PCDHGA12: variants seen among roughly 807,000 people sequenced by gnomAD.
PCDHGA12 encodes the protein protocadherin gamma-A12.
Under a neutral mutation model 61.1 loss-of-function variants are expected in PCDHGA12, and 43 were observed. That is an observed-to-expected ratio of 0.70 (90% confidence interval 0.55 to 0.91). The LOEUF is 0.91. PCDHGA12 is among the 40% of genes least tolerant of loss of function. The probability of loss-of-function intolerance (pLI) is 0.00; values close to 1 mark genes in which losing one functional copy is unlikely to be tolerated. For missense variants in PCDHGA12, 1,236 were observed against 1,227.7 expected, an observed-to-expected ratio of 1.01 and a Z score of -0.10; for synonymous variants, 520 against 542.9, an observed-to-expected ratio of 0.96 and a Z score of 0.59.
rs1243112302 is a variant in PCDHGA12, at chr5:141,476,738, C to G, written c.2425-18069C>G. 6.2e-7 allele frequency: 1 copy of G among 1,614,076 alleles called. No homozygotes were observed. Among genetic ancestry groups the G allele is most frequent in the Non-Finnish European group, 8.5e-7 (1 of 1,180,028 alleles). On this transcript the variant is annotated intron_variant, in intron 1 of 3. Transcript: ENST00000252085. This position sits in a 1 kb window ranked among gnomAD's most constrained non-coding sequence, Gnocchi z 7.6. ...GCGCGCCCTGGACCGAGAACGGGAG[C>G]CTAGTCTCCAGTTAGTGCTGACGGC...
At chr5:141,494,215 G>T (rs984086536) in intron 1 of PCDHGA12, among the ~76,000 whole-genome samples, 2 of 152,200 alleles carry the variant, frequency 1.3e-5, no homozygotes, top group Non-Finnish European at 2.9e-5. Context: ...GCCCAATCTG[G>T]CATGACTCCT....
chr5:141,468,920 A>G (rs2099185605), intron 1 of PCDHGA12, among the ~76,000 whole-genome samples: 1 of 151,612 alleles, frequency 6.6e-6, no homozygotes, highest in South Asian at 2.1e-4. Context: ...AGAAGAGAAT[A>G]GCACTAAAAT....
chr5:141,452,884 A>C (rs746547069), intron 1 of PCDHGA12, among the ~76,000 whole-genome samples: 1 of 152,204 alleles, frequency 6.6e-6, no homozygotes, highest in Non-Finnish European at 1.5e-5. Flanking sequence ...GTAATAATTT[A>C]TTCCACTTTT....
At chr5:141,500,887 T>C (rs557735403) in intron 2 of PCDHGA12, among the ~76,000 whole-genome samples, 1 of 95,622 alleles carries the variant, frequency 1.0e-5, no homozygotes, top group South Asian at 2.8e-4. Context: ...ATTTTTTTTT[T>C]TTGAGACAGT....
chr5:141,499,486 C>T (rs569172977), intron 2 of PCDHGA12, among the ~76,000 whole-genome samples: 3 of 152,284 alleles, frequency 2.0e-5, no homozygotes, highest in East Asian at 1.9e-4. Context: ...CCACCAACTA[C>T]AGTTTAATAT....
At chr5:141,499,029 A>AAGGAAGGAAGGAAGGAAGGAAGG (rs1562187768) in intron 2 of PCDHGA12, among the ~76,000 whole-genome samples, 1 of 139,968 alleles carries the variant, frequency 7.1e-6, no homozygotes, top group African/African-American at 2.8e-5. Flanking sequence ...AGGAAGGAAG[A>AAGGAAGGAAGGAAGGAAGGAAGG]AAAGAAAGAA....
At chr5:141,453,087 T>G (rs2098755775) in intron 1 of PCDHGA12, among the ~76,000 whole-genome samples, 1 of 152,150 alleles carries the variant, frequency 6.6e-6, no homozygotes, top group Non-Finnish European at 1.5e-5. Context: ...TTGATTAGTA[T>G]ATTTTCTGTT....
intron 1 of PCDHGA12, among the ~76,000 whole-genome samples, chr5:141,438,609 T>TATAC (rs2098013849): frequency 2.4e-5 from 1 of 41,118 alleles, no homozygotes; most frequent in Non-Finnish European, 3.9e-5. Context: ...TATATATATA[T>TATAC]ATATATATAT....
At chr5:141,454,871 G>A (rs1337911223) in intron 1 of PCDHGA12, among the ~76,000 whole-genome samples, 2 of 129,030 alleles carry the variant, frequency 1.6e-5, no homozygotes, top group Non-Finnish European at 3.1e-5. Context: ...GCAGTGGCAC[G>A]ATCTTGGCTC....
Position 141,511,345 on chromosome 5 carries a change from TC to T in PCDHGA12, c.*179del, listed in dbSNP as rs535135679. On this transcript the variant is annotated 3_prime_UTR_variant, in exon 4 of 4. Coordinates refer to ENST00000252085, the MANE Select transcript of PCDHGA12 (RefSeq NM_003735.3). ...AAGTGCCCAGTCAGCACCTACCCCTTCCCCCCCAGGGGGTTGAATATGCAAA... is the reference window on the plus strand; with the variant it reads ...AAGTGCCCAGTCAGCACCTACCCCTTCCCCCCAGGGGGTTGAATATGCAAA... The T allele has an allele frequency of 2.2e-5, 31 of 1,410,342 alleles. No individual in the cohort carries two copies. Among genetic ancestry groups the T allele is most frequent in the South Asian group, 2.9e-5 (2 of 68,200 alleles). 87.4% of individuals were successfully genotyped at this position (1,410,342 alleles called of 1,614,324 possible). A position where few individuals can be genotyped will look rare whatever the true frequency, so the allele number is the denominator to read the frequency against.
chr5:141,489,159 T>G lies in PCDHGA12; in HGVS notation c.2425-5648T>G. On this transcript the variant is annotated intron_variant, in intron 1 of 3. Transcript: ENST00000252085. This position sits in a 1 kb window ranked among gnomAD's most constrained non-coding sequence, Gnocchi z 4.5. ...AGGCTGGAAGGAGACATAAGAGACT[T>G]CAGCTGCTGCATTCCAAGCCCTGGG... is the stretch of plus-strand genomic sequence containing the variant. 2 of 1,023,152 alleles carry G rather than the reference T, an allele frequency of 2.0e-6. No individual in the cohort carries two copies. Among genetic ancestry groups the G allele is most frequent in the Non-Finnish European group, 2.9e-6 (2 of 697,120 alleles). The allele number at this position is 1,023,152 out of a possible 1,614,324, so 63.4% of individuals were successfully genotyped here. A position where few individuals can be genotyped will look rare whatever the true frequency, so the allele number is the denominator to read the frequency against.
At chr5:141,484,287 C>T (rs1432341538) in intron 1 of PCDHGA12, among the ~76,000 whole-genome samples, 1 of 152,268 alleles carries the variant, frequency 6.6e-6, no homozygotes, top group Non-Finnish European at 1.5e-5. Context: ...GAAACATCTC[C>T]CTCTCCTGGC....
Position 141,432,028 on chromosome 5 carries a change from C to T in PCDHGA12, c.1269C>T (p.Thr423=), listed in dbSNP as rs776543767. ...TTCCTAGCTACAACATCACAGTGAC[C>T]GCCACTGACCGGGGAACCCCGCCCC... ...EQVPSYNITV[T]ATDRGTPPLS... The change falls in exon 1 of 4, where the codon ACC becomes ACT. Residue 423 remains threonine (T), a synonymous_variant. Coordinates refer to ENST00000252085, the MANE Select transcript of PCDHGA12 (RefSeq NM_003735.3). The surrounding 1 kb of genome is among the most constrained non-coding windows in gnomAD (Gnocchi z 6.0). The T allele has an allele frequency of 1.1e-5, 18 of 1,614,050 alleles. No individual in the cohort carries two copies. The highest frequency in any genetic ancestry group is 9.9e-5 in the South Asian group (9 of 91,090).
At position 141,489,585 on chromosome 5, in the gene PCDHGA12, G is replaced by A; in HGVS notation, c.2425-5222G>A. 3 of 1,614,090 alleles carry A rather than the reference G, an allele frequency of 1.9e-6. No individual in the cohort carries two copies. Among genetic ancestry groups the A allele is most frequent in the Non-Finnish European group, 2.5e-6 (3 of 1,180,004 alleles). The stretch of plus-strand genomic sequence containing the variant: ...AGGTGGTGACTGAACACCCCCTGGA[G>A]CTAATCCGTGTAGAGGTAGAGATCC... On this transcript the variant is annotated intron_variant, in intron 1 of 3. Coordinates refer to ENST00000252085, the MANE Select transcript of PCDHGA12 (RefSeq NM_003735.3). The surrounding 1 kb of genome is among the most constrained non-coding windows in gnomAD (Gnocchi z 4.5).
chr5:141,503,608 A>AAAAAAAG (rs1483073868), intron 2 of PCDHGA12, among the ~76,000 whole-genome samples: 1 of 151,994 alleles, frequency 6.6e-6, no homozygotes, highest in East Asian at 1.9e-4. Flanking sequence ...CAAAAAAAAA[A>AAAAAAAG]AAAAAAGAAA....
In PCDHGA12 at chr5:141,431,788, T is replaced by G. The variant is rs775397713; in HGVS notation, c.1029T>G (p.Asn343Lys). 1 of 1,614,190 alleles carries G rather than the reference T, an allele frequency of 6.2e-7. No homozygotes were observed. The highest frequency in any genetic ancestry group is 1.1e-5 in the South Asian group (1 of 91,080). ...TCACTGTTCTGGACGTGAACGACAA[T>G]GCCCCAGAAGTGGTCCTCACCTCTC... ...VLITVLDVNDNAPEVVLTSLA... is the reference protein window; with the variant it reads ...VLITVLDVNDKAPEVVLTSLA... Residue 343 changes from asparagine (N) to lysine (K), a missense_variant, in exon 1 of 4, where the codon AAT becomes AAG. Physicochemically the swap from Asn to Lys is moderately conservative, Grantham distance 94. Coordinates refer to ENST00000252085, the MANE Select transcript of PCDHGA12 (RefSeq NM_003735.3). The surrounding 1 kb of genome is among the most constrained non-coding windows in gnomAD (Gnocchi z 4.8).
At chr5:141,462,542 T>C (rs910054469) in intron 1 of PCDHGA12, among the ~76,000 whole-genome samples, 1 of 152,222 alleles carries the variant, frequency 6.6e-6, no homozygotes, top group Non-Finnish European at 1.5e-5. Flanking sequence ...AGTGATCTTT[T>C]CTTCTTCAGT....
At chr5:141,433,352 T>G (rs976015031) in intron 1 of PCDHGA12, 169 bp downstream of exon 1, 1 of 614,162 alleles carries the variant, frequency 1.6e-6, no homozygotes, top group Admixed American at 3.0e-5. Flanking sequence ...AGCCACCTAC[T>G]GTCTGCCTAT....
chr5:141,459,289 A>G (rs2098965378), intron 1 of PCDHGA12, among the ~76,000 whole-genome samples: 1 of 152,216 alleles, frequency 6.6e-6, no homozygotes, highest in Non-Finnish European at 1.5e-5. Flanking sequence ...ATCTAAATGG[A>G]ATCCTATAAC....
Sources: allele counts gnomAD v4.1 joint callset (sites outside exome capture counted in the v4.1 genomes callset), GRCh38; gene constraint gnomAD v4.1.1; non-coding constraint Gnocchi (gnomAD v3.1); transcripts MANE v1.5; gene names NCBI Gene and HGNC (gene_info 2026-07-23, HGNC 2026-07-21).